ARHGAP10: variants seen among roughly 807,000 people sequenced by gnomAD.
ARHGAP10 encodes the protein rho GTPase-activating protein 10.
Under a neutral mutation model 108.6 loss-of-function variants are expected in ARHGAP10, and 87 were observed. The ratio of observed to expected loss-of-function variants is 0.80; its 90% CI spans 0.67 to 0.96. The LOEUF is 0.96. ARHGAP10 is among the 40% of genes least tolerant of loss of function. The pLI is 0.00. For missense variants in ARHGAP10, 939 were observed against 954.5 expected (o/e 0.98, Z 0.21); for synonymous variants, 347 against 341.1 (o/e 1.02, Z -0.19).
chr4:147,766,633 C>CACACATACATATAT (rs1329864108), intron 1 of ARHGAP10, among the ~76,000 whole-genome samples: 3 of 136,080 alleles, frequency 2.2e-5, no homozygotes, highest in Non-Finnish European at 4.7e-5. Context: ...CATATATATA[C>CACACATACATATAT]GTATATACAC....
intron 1 of ARHGAP10, among the ~76,000 whole-genome samples, chr4:147,763,982 T>TGACCTC (rs972678094): frequency 8.5e-5 from 13 of 152,148 alleles, no homozygotes; most frequent in Non-Finnish European, 7.3e-5. Flanking sequence ...CTCAAACTCC[T>TGACCTC]GACCTCGGGT....
Position 147,976,210 on chromosome 4 carries a change from C to T in ARHGAP10, c.1716+9371C>T, listed in dbSNP as rs137960529. 9.3e-4 allele frequency among the ~76,000 whole-genome samples: 141 copies of T among 152,318 alleles called. No individual in the cohort carries two copies. In the East Asian group the frequency reaches 0.017, roughly 18 times the overall value. ...GTCTTCCAGTCTTACAGCATGCTTG[C>T]CATTTAATGGGAAAAAGAAATCTCT... On this transcript the variant is annotated intron_variant, in intron 18 of 22. Transcript: ENST00000336498.
At chr4:147,896,227 A>G (rs377615176) in intron 10 of ARHGAP10, among the ~76,000 whole-genome samples, 41 of 152,188 alleles carry the variant, frequency 2.7e-4, no homozygotes, top group Non-Finnish European at 5.6e-4. Context: ...TGGCTACAGA[A>G]GAATTGGGAA....
intron 14 of ARHGAP10, among the ~76,000 whole-genome samples, chr4:147,941,355 G>A (rs113189325): frequency 1.5e-4 from 23 of 152,106 alleles, no homozygotes; most frequent in African/African-American, 2.2e-4. Context: ...AAAATTCTAC[G>A]TGTACAGCAT....
chr4:147,779,617 C>T (rs1274497770), intron 1 of ARHGAP10, among the ~76,000 whole-genome samples: 1 of 152,060 alleles, frequency 6.6e-6, no homozygotes, highest in African/African-American at 2.4e-5. Context: ...CCAACATTTC[C>T]TTCAGTTTGG....
chr4:148,033,259 T>G (rs1318008050), intron 19 of ARHGAP10, among the ~76,000 whole-genome samples: 1 of 152,244 alleles, frequency 6.6e-6, no homozygotes, highest in Non-Finnish European at 1.5e-5. Context: ...AAGAGGACCT[T>G]GTATTCTACA....
intron 1 of ARHGAP10, among the ~76,000 whole-genome samples, chr4:147,776,198 A>C (rs746212374): frequency 5.9e-5 from 9 of 152,168 alleles, no homozygotes; most frequent in Non-Finnish European, 1.0e-4. Flanking sequence ...CTAATGAGGA[A>C]ATTGCCCTTT....
intron 22 of ARHGAP10, among the ~76,000 whole-genome samples, chr4:148,068,186 G>A (rs1321100409): frequency 6.6e-6 from 1 of 152,188 alleles, no homozygotes; most frequent in East Asian, 1.9e-4. Context: ...CTCCTCAGGG[G>A]CAGGGTTGGG....
chr4:148,028,888 G>A (rs112615534), intron 19 of ARHGAP10, among the ~76,000 whole-genome samples: 78 of 152,296 alleles, frequency 5.1e-4, no homozygotes, highest in African/African-American at 1.7e-3. Context: ...GACATTATTC[G>A]CCACAGATTA....
intron 1 of ARHGAP10, among the ~76,000 whole-genome samples, chr4:147,798,742 TCTCTCTCTCTCTCTCTCTC>T (rs1731423538): frequency 8.3e-5 from 1 of 12,068 alleles, no homozygotes; most frequent in Non-Finnish European, 2.7e-4. Flanking sequence ...TCTCTCTCTC[TCTCTCTCTCTCTCTCTCTC>T]TCTCTCTCTC....
chr4:147,897,428 A>G (rs1035568697), intron 10 of ARHGAP10, among the ~76,000 whole-genome samples: 6 of 152,028 alleles, frequency 3.9e-5, no homozygotes, highest in Admixed American at 1.3e-4. Flanking sequence ...TTTGATACGT[A>G]TGGGCTTAAA....
At chr4:147,856,198 G>A (rs1734075561) in intron 4 of ARHGAP10, among the ~76,000 whole-genome samples, 1 of 152,196 alleles carries the variant, frequency 6.6e-6, no homozygotes, top group Non-Finnish European at 1.5e-5. Context: ...TTATAAATGT[G>A]TATACTTATT....
At position 147,923,736 on chromosome 4, in the gene ARHGAP10, C is replaced by T. The variant is rs1035171115; in HGVS notation, c.1228+10597C>T. 4.6e-5 allele frequency among the ~76,000 whole-genome samples: 7 copies of T among 152,218 alleles called. No homozygotes were observed. The South Asian group carries it at 8.3e-4, about 18-fold the overall frequency. ...GTTTTAGATTTTTGGAAAACCTTAC[C>T]GCTTGAAGATTGCTTTGCCTCCAGA... On this transcript the variant is annotated intron_variant, in intron 13 of 22. Coordinates refer to ENST00000336498, the MANE Select transcript of ARHGAP10 (RefSeq NM_024605.4).
chr4:147,832,611 C>T lies in ARHGAP10; in HGVS notation c.312+9654C>T, dbSNP rs1230088693. Among the ~76,000 whole-genome samples the T allele has an allele frequency of 2.3e-5, 3 of 132,552 alleles. No individual in the cohort carries two copies. In the East Asian group the frequency reaches 6.6e-4, roughly 29 times the overall value. 87.0% of individuals were successfully genotyped at this position (132,552 alleles called of 152,430 possible). On this transcript the variant is annotated intron_variant, in intron 3 of 22. Transcript: ENST00000336498. ...ACAATGAGCTGAAATCGTGCCACTGCACTCCAGCCTGGGTAACAGAGCAAG... is the reference window on the plus strand; with the variant it reads ...ACAATGAGCTGAAATCGTGCCACTGTACTCCAGCCTGGGTAACAGAGCAAG...
chr4:147,960,015 T>A (rs1738934325), intron 16 of ARHGAP10, among the ~76,000 whole-genome samples: 1 of 152,216 alleles, frequency 6.6e-6, no homozygotes, highest in South Asian at 2.1e-4. Flanking sequence ...GTTGTCCTTT[T>A]ACTCCTTTGG....
intron 18 of ARHGAP10, among the ~76,000 whole-genome samples, chr4:148,012,639 C>G (rs946193679): frequency 5.3e-5 from 8 of 152,104 alleles, no homozygotes; most frequent in African/African-American, 1.9e-4. Context: ...TGAATCTTGC[C>G]TCAAAGTTTA....
intron 1 of ARHGAP10, among the ~76,000 whole-genome samples, chr4:147,795,143 C>G (rs1731264457): frequency 6.6e-6 from 1 of 152,110 alleles, no homozygotes; most frequent in Non-Finnish European, 1.5e-5. Flanking sequence ...AGTGTAGTTA[C>G]ACCATCATAG....
At chr4:147,764,296 A>AT (rs1287491793) in intron 1 of ARHGAP10, among the ~76,000 whole-genome samples, 1 of 151,942 alleles carries the variant, frequency 6.6e-6, no homozygotes, top group Non-Finnish European at 1.5e-5. Flanking sequence ...TAGATTTCAT[A>AT]TTTTTAGACT....
intron 1 of ARHGAP10, among the ~76,000 whole-genome samples, chr4:147,796,172 T>TA (rs1731310048): frequency 6.6e-6 from 1 of 152,216 alleles, no homozygotes; most frequent in South Asian, 2.1e-4. Flanking sequence ...AATAGTTTTG[T>TA]AAAAATATTA....
Sources: gnomAD v4.1 joint callset for allele counts (sites outside exome capture counted in the v4.1 genomes callset) on GRCh38, gnomAD v4.1.1 for gene constraint, MANE v1.5 for transcripts, NCBI Gene and HGNC (gene_info 2026-07-23, HGNC 2026-07-21) for gene names.